The following SMC1B variants were observed in gnomAD, a reference collection of about 807,000 sequenced individuals.
SMC1B encodes the protein structural maintenance of chromosomes 1B, also known as structural maintenance of chromosomes protein 1B.
A neutral mutation model predicts 157.9 loss-of-function variants in SMC1B; 60 were observed. The observed-to-expected ratio is 0.38, with a 90% CI of 0.31 to 0.47. SMC1B has a LOEUF of 0.47. Among genes scored for constraint, SMC1B ranks in the 20% least tolerant of loss-of-function variants. The probability of loss-of-function intolerance (pLI) is 0.99; values close to 1 mark genes in which losing one functional copy is unlikely to be tolerated. For synonymous variants in SMC1B, 445 were observed against 483.0 expected (o/e 0.92, Z 1.03); for missense variants, 1,165 against 1,426.2 (o/e 0.82, Z 2.95).
chr22:45,393,867 G>C, intron 8 of SMC1B, 26 bp from the exon 9 acceptor site: 1 of 1,556,158 alleles, frequency 6.4e-7, no homozygotes, highest in South Asian at 1.2e-5. Flanking sequence ...AAATTATACA[G>C]CAAAATGATA....
intron 17 of SMC1B, 48 bp from the exon 18 acceptor site, chr22:45,360,006 C>G: frequency 1.4e-6 from 2 of 1,461,570 alleles, no homozygotes; most frequent in Non-Finnish European, 9.5e-7. Flanking sequence ...TTATGTAACA[C>G]TGCACCAAGG....
chr22:45,387,838 C>T (rs1283955571), intron 10 of SMC1B, among the ~76,000 whole-genome samples: 1 of 152,068 alleles, frequency 6.6e-6, no homozygotes, highest in African/African-American at 2.4e-5. Context: ...TCAAGACCAG[C>T]CTGGCCAACA....
chr22:45,359,815 A>G lies in SMC1B; in HGVS notation c.2852T>C (p.Ile951Thr), dbSNP rs758684037. 2 of 1,612,816 alleles carry G rather than the reference A, an allele frequency of 1.2e-6. No homozygotes were observed. The highest frequency in any genetic ancestry group is 3.3e-5 in the Admixed American group (2 of 59,838). The change falls in exon 18 of 25, where the codon ATT (isoleucine) becomes ACT (threonine). Residue 951 changes from isoleucine to threonine, a missense_variant. By Grantham distance (89) the Ile-to-Thr change is moderately conservative. Transcript: ENST00000357450. ...CATTTGCTAGAATACCTCCACTTCA[A>G]TGATGTCATCCAGTGACCCCGACAA... Reference protein sequence around the residue: ...ILLSGSLDDIIEVEMGTEAES... With the variant: ...ILLSGSLDDITEVEMGTEAES...
At chr22:45,394,018 T>A (rs1447633530) in intron 8 of SMC1B, among the ~76,000 whole-genome samples, 177 bp from the exon 9 acceptor site, 2 of 152,132 alleles carry the variant, frequency 1.3e-5, no homozygotes, top group Non-Finnish European at 2.9e-5. Flanking sequence ...TTTTGCTCAT[T>A]CTTTGTTGAT....
chr22:45,373,098 A>G (rs1002739761), intron 12 of SMC1B, among the ~76,000 whole-genome samples: 1 of 151,834 alleles, frequency 6.6e-6, no homozygotes, highest in Non-Finnish European at 1.5e-5. Context: ...GCTTTCTCCA[A>G]CCCCCAGCTC....
chr22:45,413,572 C>T lies in SMC1B; in HGVS notation c.-5G>A. On this transcript the variant is annotated 5_prime_UTR_variant, in exon 1 of 25. Coordinates refer to ENST00000357450, the MANE Select transcript of SMC1B (RefSeq NM_148674.5). ...CAGCAGCTCCAGGTGGGCCATGGCG[C>T]CGCCCTCCACGCCTCACCCGCGTTA... 6.3e-7 allele frequency: 1 copy of T among 1,596,370 alleles called. No individual in the cohort carries two copies. The highest frequency in any genetic ancestry group is 1.1e-5 in the South Asian group (1 of 88,354).
At chr22:45,349,976 C>T (rs772474314) in intron 22 of SMC1B, among the ~76,000 whole-genome samples, 179 bp from the exon 23 acceptor site, 5 of 152,204 alleles carry the variant, frequency 3.3e-5, no homozygotes, top group Non-Finnish European at 7.3e-5. Flanking sequence ...ATGTATGTGA[C>T]CTATGCAAGG....
chr22:45,351,354 G>C (rs1259330394), intron 22 of SMC1B, among the ~76,000 whole-genome samples: 1 of 152,158 alleles, frequency 6.6e-6, no homozygotes, highest in Admixed American at 6.5e-5. Flanking sequence ...ATGGATGTGG[G>C]TGCCACCTGT....
At chr22:45,353,923 A>AAAAAAAAC in intron 21 of SMC1B, 55 bp downstream of exon 21, 3 of 1,036,896 alleles carry the variant, frequency 2.9e-6, no homozygotes, top group Non-Finnish European at 4.1e-6. Context: ...AAAAAAAACA[A>AAAAAAAAC]CCACCACCGG....
intron 8 of SMC1B, among the ~76,000 whole-genome samples, chr22:45,394,252 T>C (rs6007020): frequency 0.5 from 76,056 of 151,796 alleles, 22,321 homozygotes; most frequent in African/African-American, 0.82. Flanking sequence ...TTGAGCCCAG[T>C]GGGTGCAGGC....
intron 2 of SMC1B, among the ~76,000 whole-genome samples, chr22:45,407,180 A>G (rs2087271755): frequency 6.6e-6 from 1 of 152,210 alleles, no homozygotes; most frequent in Non-Finnish European, 1.5e-5. Flanking sequence ...CCTGGGAACT[A>G]GGTCATGCAA....
chr22:45,361,649 T>C (rs761709348), intron 17 of SMC1B, among the ~76,000 whole-genome samples, 190 bp downstream of exon 17: 2 of 152,136 alleles, frequency 1.3e-5, no homozygotes, highest in Non-Finnish European at 2.9e-5. Flanking sequence ...CACTATTTGC[T>C]CTAAACAACT....
chr22:45,383,742 A>AATATCT, intron 11 of SMC1B, 129 bp from the exon 12 acceptor site: 1 of 723,702 alleles, frequency 1.4e-6, no homozygotes, highest in South Asian at 2.5e-5. Flanking sequence ...TTACTAATAA[A>AATATCT]ATATCTAGTT....
intron 5 of SMC1B, among the ~76,000 whole-genome samples, chr22:45,402,027 G>A (rs575071348): frequency 1.3e-5 from 2 of 152,184 alleles, no homozygotes; most frequent in East Asian, 3.9e-4. Context: ...GGGACTACAG[G>A]TGCCTGCCAC....
At chr22:45,407,920 C>T (rs926894185) in intron 2 of SMC1B, among the ~76,000 whole-genome samples, 8 of 152,250 alleles carry the variant, frequency 5.3e-5, no homozygotes, top group East Asian at 1.9e-4. Flanking sequence ...CCCAAATCCC[C>T]GCTCTTTTCC....
intron 14 of SMC1B, among the ~76,000 whole-genome samples, chr22:45,370,508 T>C (rs959914225): frequency 6.6e-6 from 1 of 152,192 alleles, no homozygotes; most frequent in African/African-American, 2.4e-5. Context: ...TTCAACAAAG[T>C]AAAATTTAAC....
At chr22:45,401,129 T>C (rs186767170) in intron 5 of SMC1B, among the ~76,000 whole-genome samples, 34 of 152,336 alleles carry the variant, frequency 2.2e-4, no homozygotes, top group African/African-American at 7.7e-4. Flanking sequence ...TCAATATTAG[T>C]TTATTAATTC....
chr22:45,351,510 G>T (rs1319297273), intron 22 of SMC1B, among the ~76,000 whole-genome samples: 2 of 152,198 alleles, frequency 1.3e-5, no homozygotes, highest in Non-Finnish European at 2.9e-5. Flanking sequence ...CCTGGTCATG[G>T]AAATAGAGAA....
At chr22:45,365,685 G>A (rs1381228622) in intron 15 of SMC1B, among the ~76,000 whole-genome samples, 1 of 152,108 alleles carries the variant, frequency 6.6e-6, no homozygotes, top group Non-Finnish European at 1.5e-5. Context: ...AGCCTGGGTT[G>A]ACAGAGTGAG....
Sources: allele counts gnomAD v4.1 joint callset (sites outside exome capture counted in the v4.1 genomes callset), GRCh38; gene constraint gnomAD v4.1.1; transcripts MANE v1.5; gene names NCBI Gene and HGNC (gene_info 2026-07-23, HGNC 2026-07-21).